S1PR5: variants seen among roughly 807,000 people sequenced by gnomAD.
S1PR5 encodes the protein sphingosine 1-phosphate receptor 5.
For missense variants in S1PR5, 583 were observed against 571.7 expected (o/e 1.02, Z -0.20); for synonymous variants, 307 against 284.7 (o/e 1.08, Z -0.79).
chr19:10,516,519 A>G (rs188319088), intron 1 of S1PR5, among the ~76,000 whole-genome samples: 265 of 149,884 alleles, frequency 1.8e-3, no homozygotes, highest in African/African-American at 6.1e-3. Context: ...AGGCGGGAGG[A>G]TCACTTGAGC....
chr19:10,517,520 C>A (rs1221703259), upstream of S1PR5: 1 of 985,370 alleles, frequency 1.0e-6, no homozygotes, highest in African/African-American at 1.7e-5. Flanking sequence ...AAAGGGCCGG[C>A]GGTCGCCAGC....
Position 10,513,732 on chromosome 19 carries a change from C to T in S1PR5, c.*83G>A. On this transcript the variant is annotated 3_prime_UTR_variant, in exon 2 of 2. Transcript: ENST00000333430. ...TCCCCTGCATCTTTTCCGACTGCACCTTTGGCTGCATTTCCTACAAATTCC... is the reference window on the plus strand; with the variant it reads ...TCCCCTGCATCTTTTCCGACTGCACTTTTGGCTGCATTTCCTACAAATTCC... The T allele has an allele frequency of 6.4e-7, 1 of 1,550,698 alleles. No homozygotes were observed. The highest frequency in any genetic ancestry group is 1.2e-5 in the South Asian group (1 of 84,112).
intron 1 of S1PR5, 88 bp downstream of exon 1, chr19:10,517,310 T>G: frequency 6.4e-6 from 6 of 937,128 alleles, no homozygotes; most frequent in Non-Finnish European, 7.6e-6. Context: ...TGGTGCGCCT[T>G]TTTAGACCGG....
Position 10,513,646 on chromosome 19 carries a change from C to T in S1PR5, c.*169G>A. On this transcript the variant is annotated 3_prime_UTR_variant, in exon 2 of 2. Transcript: ENST00000333430. ...GTTCCCAAGCAGAACGTCAATTCCACGAGGGCACAGATTTTTTGTCTGTTT... is the reference window on the plus strand; with the variant it reads ...GTTCCCAAGCAGAACGTCAATTCCATGAGGGCACAGATTTTTTGTCTGTTT... The T allele has an allele frequency of 4.4e-6, 4 of 909,400 alleles. No individual in the cohort carries two copies. Among genetic ancestry groups the T allele is most frequent in the East Asian group, 2.7e-5 (1 of 36,758 alleles). The allele number at this position is 909,400 out of a possible 1,614,324, so 56.3% of individuals were successfully genotyped here.
In S1PR5 at chr19:10,514,884, C is replaced by A. The variant is rs747753514; in HGVS notation, c.128G>T (p.Cys43Phe). 6.2e-7 allele frequency: 1 copy of A among 1,612,026 alleles called. No individual in the cohort carries two copies. Among genetic ancestry groups the A allele is most frequent in the Non-Finnish European group, 8.5e-7 (1 of 1,179,302 alleles). Residue 43 changes from cysteine (C) to phenylalanine (F), a missense_variant, in exon 2 of 2, where the codon TGC becomes TTC. By Grantham distance (205) the Cys-to-Phe change is radical. Transcript: ENST00000333430. ...GAGLRADAVV[C>F]LAVCAFIVLE... ...CACGATGAAGGCGCACACCGCCAGG[C>A]ACACCACGGCGTCGGCGCGCAGGCC...
upstream of S1PR5, chr19:10,517,675 G>C: frequency 1.0e-6 from 1 of 985,546 alleles, no homozygotes; most frequent in Non-Finnish European, 1.2e-6. Context: ...GTCCTCCCAG[G>C]GACGCTCCAT....
At position 10,514,081 on chromosome 19, in the gene S1PR5, G is replaced by T; in HGVS notation, c.931C>A (p.Arg311Ser). Residue 311 changes from arginine to serine, a missense_variant, in exon 2 of 2, where the codon CGC (arginine) becomes AGC (serine). Transcript: ENST00000333430. ...LNPIIYTLTN[R>S]DLRHALLRLV... ...CGCAGGAGCGCGTGGCGCAGGTCGC[G>T]GTTGGTGAGCGTGTAGATGATGGGG... 6.2e-7 allele frequency: 1 copy of T among 1,612,724 alleles called. No individual in the cohort carries two copies. The highest frequency in any genetic ancestry group is 1.1e-5 in the South Asian group (1 of 91,082).
intron 1 of S1PR5, among the ~76,000 whole-genome samples, chr19:10,515,645 C>T (rs376907035): frequency 1.3e-5 from 2 of 151,850 alleles, no homozygotes; most frequent in African/African-American, 2.4e-5. Context: ...AACACACACA[C>T]GGCTGGGTGT....
At chr19:10,516,603 G>C (rs186643855) in intron 1 of S1PR5, among the ~76,000 whole-genome samples, 18 of 66,452 alleles carry the variant, frequency 2.7e-4, no homozygotes, top group Admixed American at 1.4e-3. Flanking sequence ...GAGAAACTCC[G>C]TCTCAAAAAA....
chr19:10,514,369 T>G lies in S1PR5; in HGVS notation c.643A>C (p.Ile215Leu). The G allele has an allele frequency of 6.3e-7, 1 of 1,589,520 alleles. No homozygotes were observed. The highest frequency in any genetic ancestry group is 8.6e-7 in the Non-Finnish European group (1 of 1,169,566). ...LAAICALYAR[I>L]YCQVRANARR... ...GCGTTGGCGCGTACCTGGCAGTAGA[T>G]GCGCGCGTAGAGTGCACAGATAGCG... The change falls in exon 2 of 2, where the codon ATC becomes CTC. Residue 215 changes from isoleucine to leucine, a missense_variant. Coordinates refer to ENST00000333430, the MANE Select transcript of S1PR5 (RefSeq NM_030760.5).
Position 10,513,906 on chromosome 19 carries a change from T to C in S1PR5, c.1106A>G (p.Gln369Arg), listed in dbSNP as rs755511199. 1.4e-5 allele frequency: 22 copies of C among 1,609,298 alleles called. No individual in the cohort carries two copies. In the Admixed American group the frequency reaches 3.2e-4, roughly 23 times the overall value. Residue 369 changes from glutamine to arginine, a missense_variant, in exon 2 of 2, where the codon CAG (glutamine) becomes CGG (arginine). Transcript: ENST00000333430. Reference protein sequence around the residue: ...SFSGSERSSPQRDGLDTSGST... With the variant: ...SFSGSERSSPRRDGLDTSGST... ...GCCGCTGGTGTCCAGCCCGTCGCGC[T>C]GGGGCGATGAGCGCTCCGAGCCGCT...
In S1PR5 at chr19:10,514,612, T is replaced by G. The variant is rs1915383077; in HGVS notation, c.400A>C (p.Ser134Arg). The G allele has an allele frequency of 1.3e-6, 2 of 1,589,020 alleles. No individual in the cohort carries two copies. Among genetic ancestry groups the G allele is most frequent in the South Asian group, 1.1e-5 (1 of 88,656 alleles). ...LSLLAIALER[S>R]LTMARRGPAP... is the part of the protein sequence containing the mutation. ...GGCCCCCTGCGCGCCATGGTGAGGC[T>G]GCGCTCCAGCGCGATGGCCAGGAGG... The change falls in exon 2 of 2, where the codon AGC becomes CGC. Residue 134 changes from serine to arginine, a missense_variant. Physicochemically the swap from Ser to Arg is moderately radical, Grantham distance 110. Coordinates refer to ENST00000333430, the MANE Select transcript of S1PR5 (RefSeq NM_030760.5).
In S1PR5 at chr19:10,513,716, T is replaced by C; in HGVS notation, c.*99A>G. On this transcript the variant is annotated 3_prime_UTR_variant, in exon 2 of 2. Transcript: ENST00000333430. The stretch of plus-strand genomic sequence containing the variant: ...GCTGCATAAATACATTTCCCCTGCA[T>C]CTTTTCCGACTGCACCTTTGGCTGC... 6.7e-7 allele frequency: 1 copy of C among 1,500,240 alleles called. No homozygotes were observed. Among genetic ancestry groups the C allele is most frequent in the East Asian group, 2.4e-5 (1 of 42,352 alleles). The allele number at this position is 1,500,240 out of a possible 1,614,324, so 92.9% of individuals were successfully genotyped here. A position where few individuals can be genotyped will look rare whatever the true frequency, so the allele number is the denominator to read the frequency against.
At position 10,514,949 on chromosome 19, in the gene S1PR5, G is replaced by A; in HGVS notation, c.63C>T (p.Tyr21=). The stretch of plus-strand genomic sequence containing the variant: ...AGCGCGCACCGCGGAGCTTGCCGGT[G>A]TAGTTGTAATGCAGGACGATGACCT... ...VSEVIVLHYN[Y]TGKLRGARYQ... The change falls in exon 2 of 2, where the codon TAC becomes TAT. Residue 21 remains tyrosine, a synonymous_variant. Coordinates refer to ENST00000333430, the MANE Select transcript of S1PR5 (RefSeq NM_030760.5). The A allele has an allele frequency of 6.2e-7, 1 of 1,605,050 alleles. No individual in the cohort carries two copies. The highest frequency in any genetic ancestry group is 8.5e-7 in the Non-Finnish European group (1 of 1,177,964).
chr19:10,513,953 G>T lies in S1PR5; in HGVS notation c.1059C>A (p.Pro353=). The change falls in exon 2 of 2, where the codon CCC becomes CCA. Residue 353 remains proline, a synonymous_variant. Coordinates refer to ENST00000333430, the MANE Select transcript of S1PR5 (RefSeq NM_030760.5). ...EASGGLRRCL[P]PGLDGSFSGS... ...CGCTGAAGCTCCCATCAAGGCCCGG[G>T]GGCAGGCAGCGGCGCAGGCCCCCGG... 6.2e-7 allele frequency: 1 copy of T among 1,600,646 alleles called. No individual in the cohort carries two copies.
chr19:10,514,513 G>A lies in S1PR5; in HGVS notation c.499C>T (p.Leu167Phe), dbSNP rs1004104533. 10 of 1,596,818 alleles carry A rather than the reference G, an allele frequency of 6.3e-6. No homozygotes were observed. The highest frequency in any genetic ancestry group is 8.5e-6 in the Non-Finnish European group (10 of 1,172,872). ...CAATTCCAGCCCAGCGCTGGCAGGA[G>A]CCCGAGGAGCAGCGACACGCCCCAG... ...AAWGVSLLLG[L>F]LPALGWNCLG... Residue 167 changes from leucine (L) to phenylalanine (F), a missense_variant, in exon 2 of 2, where the codon CTC (leucine) becomes TTC (phenylalanine). Transcript: ENST00000333430.
Position 10,514,019 on chromosome 19 carries a change from G to T in S1PR5, c.993C>A (p.Asp331Glu), listed in dbSNP as rs745523610. ...VCCGRHSCGR[D>E]PSGSQQSASA... The stretch of plus-strand genomic sequence containing the variant: ...TCGCCGACTGCTGGGAGCCACTCGG[G>T]TCTCTGCCGCAGGAGTGGCGTCCGC... Residue 331 changes from aspartate to glutamate, a missense_variant, in exon 2 of 2, where the codon GAC becomes GAA. Transcript: ENST00000333430. 6.2e-7 allele frequency: 1 copy of T among 1,609,574 alleles called. No individual in the cohort carries two copies. The highest frequency in any genetic ancestry group is 1.7e-5 in the Admixed American group (1 of 59,792).
rs755341253 is a variant in S1PR5 at position 10,514,027 on chromosome 19, C to T, written c.985G>A (p.Gly329Ser). ...TGCTGGGAGCCACTCGGGTCTCTGCCGCAGGAGTGGCGTCCGCAGCAGACC... is the reference window on the plus strand; with the variant it reads ...TGCTGGGAGCCACTCGGGTCTCTGCTGCAGGAGTGGCGTCCGCAGCAGACC... ...RLVCCGRHSC[G>S]RDPSGSQQSA... Residue 329 changes from glycine to serine, a missense_variant, in exon 2 of 2, where the codon GGC (glycine) becomes AGC (serine). By Grantham distance (56) the Gly-to-Ser change is moderately conservative (BLOSUM62 0). Transcript: ENST00000333430. 1.9e-6 allele frequency: 3 copies of T among 1,610,650 alleles called. No homozygotes were observed. The highest frequency in any genetic ancestry group is 1.7e-4 in the Middle Eastern group (1 of 6,038).
rs750936316 is a variant in S1PR5, at chr19:10,514,322, G to C, written c.690C>G (p.Pro230=). ...GGGTCGAGGTGGTCCCCGCAGTCCC[G>C]GGCCGTGCCGGCAGGCGCCGCGCGT... The part of the protein sequence containing the change: ...RANARRLPAR[P]GTAGTTSTRA... The change falls in exon 2 of 2, where the codon CCC becomes CCG. Residue 230 remains proline (P), a synonymous_variant. Coordinates refer to ENST00000333430, the MANE Select transcript of S1PR5 (RefSeq NM_030760.5). The C allele has an allele frequency of 6.4e-6, 10 of 1,567,380 alleles. No homozygotes were observed. The highest frequency in any genetic ancestry group is 2.4e-5 in the East Asian group (1 of 42,302).
Sources: gnomAD v4.1 joint callset for allele counts (sites outside exome capture counted in the v4.1 genomes callset) on GRCh38, gnomAD v4.1.1 for gene constraint, MANE v1.5 for transcripts, NCBI Gene and HGNC (gene_info 2026-07-23, HGNC 2026-07-21) for gene names.